The following EML1 variants were observed in gnomAD, a reference collection of about 807,000 sequenced individuals.
The protein encoded by EML1 is EMAP like 1.
A neutral mutation model predicts 110.4 loss-of-function variants in EML1; 27 were observed. The observed-to-expected ratio is 0.24, with a 90% CI of 0.18 to 0.34. EML1 has a LOEUF of 0.34. Among genes scored for constraint, EML1 ranks in the 10% least tolerant of loss-of-function variants. The probability of loss-of-function intolerance (pLI) is 1.00; values close to 1 mark genes in which losing one functional copy is unlikely to be tolerated. For synonymous variants in EML1, 344 were observed against 385.8 expected, an observed-to-expected ratio of 0.89 and a Z score of 1.27; for missense variants, 741 against 1,030.9, an observed-to-expected ratio of 0.72 and a Z score of 3.85.
intron 1 of EML1, among the ~76,000 whole-genome samples, chr14:99,746,531 G>A (rs1288912670): frequency 6.6e-6 from 1 of 152,170 alleles, no homozygotes; most frequent in African/African-American, 2.4e-5. Flanking sequence ...AGCATGAAGA[G>A]AAACAGGAGT....
At chr14:99,858,216 C>A (rs1460288970) in intron 2 of EML1, among the ~76,000 whole-genome samples, 3 of 146,692 alleles carry the variant, frequency 2.0e-5, no homozygotes, top group Non-Finnish European at 4.5e-5. Context: ...AGAGTTTTTG[C>A]TCTTGTTGCC....
intron 3 of EML1, among the ~76,000 whole-genome samples, chr14:99,872,162 G>A (rs2059216188): frequency 6.6e-6 from 1 of 152,190 alleles, no homozygotes; most frequent in Non-Finnish European, 1.5e-5. Context: ...TTAAGGGGAT[G>A]TCGGGGCCAA....
At chr14:99,926,212 G>T (rs1211981882) in intron 17 of EML1, among the ~76,000 whole-genome samples, 5 of 152,052 alleles carry the variant, frequency 3.3e-5, no homozygotes, top group African/African-American at 1.2e-4. Context: ...GCTTTATGGG[G>T]AGAGGATTGG....
chr14:99,794,888 G>A (rs1431644065), intron 1 of EML1, among the ~76,000 whole-genome samples: 2 of 152,082 alleles, frequency 1.3e-5, no homozygotes, highest in Admixed American at 6.5e-5. Context: ...TCATGGGAAC[G>A]GTTTTGCTCT....
chr14:99,916,069 C>T (rs892918267), intron 15 of EML1, among the ~76,000 whole-genome samples: 2 of 152,188 alleles, frequency 1.3e-5, no homozygotes, highest in Non-Finnish European at 2.9e-5. Context: ...CTACCTATGC[C>T]CTGGTGGTCC....
At chr14:99,760,555 T>C (rs1469603223) in intron 1 of EML1, among the ~76,000 whole-genome samples, 2 of 152,174 alleles carry the variant, frequency 1.3e-5, no homozygotes, top group African/African-American at 4.8e-5. Flanking sequence ...ATGAATTTAA[T>C]TCTTATGTCA....
At chr14:99,788,783 G>C (rs1967760), upstream of EML1, among the ~76,000 whole-genome samples, 97,849 of 152,062 alleles carry the variant, frequency 0.64, 33,073 homozygotes, top group African/African-American at 0.87. Context: ...TCATTCCAAA[G>C]GGAAACTTTG....
Position 99,802,127 on chromosome 14 carries a change from A to T in EML1, c.67+8584A>T, listed in dbSNP as rs1401585470. ...TCTAGTCTGCTCACTGCAGGCGGGT[A>T]GGTGGGAGTGGGGAGAGCCATTCGG... On this transcript the variant is annotated intron_variant, in intron 1 of 21. Coordinates refer to ENST00000262233, the MANE Select transcript of EML1 (RefSeq NM_004434.3). Among the ~76,000 whole-genome samples the T allele has an allele frequency of 2.0e-5, 3 of 152,112 alleles. No homozygotes were observed. The East Asian group carries it at 5.8e-4, about 29-fold the overall frequency.
chr14:99,748,463 T>G (rs1351640339), intron 1 of EML1, among the ~76,000 whole-genome samples: 1 of 151,898 alleles, frequency 6.6e-6, no homozygotes, highest in Non-Finnish European at 1.5e-5. Flanking sequence ...TTTGTTGAGA[T>G]GTATTATATA....
At chr14:99,865,685 A>C in intron 3 of EML1, 39 bp downstream of exon 3, 2 of 1,602,068 alleles carry the variant, frequency 1.2e-6, no homozygotes, top group Non-Finnish European at 1.7e-6. Flanking sequence ...CTCTCAAAGC[A>C]GTTCTCTCTT....
At chr14:99,742,929 G>A (rs1459225142) in intron 1 of EML1, among the ~76,000 whole-genome samples, 4 of 152,180 alleles carry the variant, frequency 2.6e-5, no homozygotes, top group African/African-American at 4.8e-5. Flanking sequence ...GAACAGCACC[G>A]CAAGTGTGCC....
intron 1 of EML1, among the ~76,000 whole-genome samples, chr14:99,849,292 G>A (rs1363257233): frequency 2.6e-5 from 4 of 152,006 alleles, no homozygotes; most frequent in African/African-American, 2.4e-5. Flanking sequence ...ATGTAGTTCC[G>A]CTCTCTTCTG....
At chr14:99,768,173 A>C (rs927794426), upstream of EML1, among the ~76,000 whole-genome samples, 1 of 152,194 alleles carries the variant, frequency 6.6e-6, no homozygotes. Context: ...GATTCATCCC[A>C]ATTCCAGAAA....
chr14:99,776,027 A>G (rs1241185722), intron 1 of EML1, among the ~76,000 whole-genome samples: 4 of 152,236 alleles, frequency 2.6e-5, no homozygotes, highest in African/African-American at 7.2e-5. Context: ...CTGTCTTTTA[A>G]GAATATTTTC....
At chr14:99,901,616 C>G (rs1372422720) in intron 9 of EML1, among the ~76,000 whole-genome samples, 5 of 152,162 alleles carry the variant, frequency 3.3e-5, no homozygotes, top group African/African-American at 9.7e-5. Context: ...CATGCCTCCC[C>G]TTTTTAGACC....
chr14:99,782,286 C>T (rs2057548502), intron 1 of EML1, among the ~76,000 whole-genome samples: 5 of 152,178 alleles, frequency 3.3e-5, no homozygotes, highest in African/African-American at 1.2e-4. Flanking sequence ...AACGTTGTGA[C>T]CTCAGGCCAG....
chr14:99,923,408 C>T (rs548620197), intron 17 of EML1, among the ~76,000 whole-genome samples: 15 of 152,226 alleles, frequency 9.9e-5, no homozygotes, highest in African/African-American at 2.9e-4. Flanking sequence ...CCCTTGCATT[C>T]GAGTCTATGA....
intron 4 of EML1, among the ~76,000 whole-genome samples, chr14:99,889,524 C>T (rs1425245530): frequency 1.3e-5 from 2 of 152,068 alleles, no homozygotes; most frequent in Non-Finnish European, 2.9e-5. Flanking sequence ...AAAAATAAAG[C>T]AGGAGGGGCG....
chr14:99,919,985 T>C (rs2060103221), intron 16 of EML1, among the ~76,000 whole-genome samples: 1 of 152,082 alleles, frequency 6.6e-6, no homozygotes, highest in African/African-American at 2.4e-5. Flanking sequence ...TTTATCCTTA[T>C]CCATTTATCC....
Sources: allele counts gnomAD v4.1 joint callset (sites outside exome capture counted in the v4.1 genomes callset), GRCh38; gene constraint gnomAD v4.1.1; transcripts MANE v1.5; gene names NCBI Gene and HGNC (gene_info 2026-07-23, HGNC 2026-07-21).